The following GOLM1 variants were observed in gnomAD, a reference collection of about 807,000 sequenced individuals.
GOLM1 encodes the protein golgi membrane protein 1, also known as epididymis luminal protein 46.
GOLM1 carries 31 observed loss-of-function variants against 50.5 expected under a neutral mutation model. The ratio of observed to expected loss-of-function variants is 0.61; its 90% CI spans 0.46 to 0.83. The LOEUF (loss-of-function observed/expected upper bound fraction) is 0.83. GOLM1 is among the 40% of genes least tolerant of loss of function. The pLI, the probability that GOLM1 is intolerant of heterozygous loss-of-function variation, is 0.00. For synonymous variants in GOLM1, 178 were observed against 192.8 expected, an observed-to-expected ratio of 0.92 and a Z score of 0.64; for missense variants, 491 against 501.3, an observed-to-expected ratio of 0.98 and a Z score of 0.20.
intron 6 of GOLM1, 95 bp downstream of exon 6, chr9:86,040,644 A>G (rs1833311944): frequency 8.4e-7 from 1 of 1,196,558 alleles, no homozygotes; most frequent in Non-Finnish European, 1.2e-6. Flanking sequence ...AAAGGAGGGC[A>G]GAATCCAGAG....
At chr9:86,028,714 C>T (rs528883970) in intron 9 of GOLM1, among the ~76,000 whole-genome samples, 1 of 152,340 alleles carries the variant, frequency 6.6e-6, no homozygotes, top group South Asian at 2.1e-4. Flanking sequence ...CTAGATGCTG[C>T]CGCGGGGTTG....
chr9:86,042,241 A>C (rs2118680139), intron 5 of GOLM1, among the ~76,000 whole-genome samples: 1 of 152,356 alleles, frequency 6.6e-6, no homozygotes, highest in South Asian at 2.1e-4. Flanking sequence ...GAAGTAATTA[A>C]GAGAATTACC....
At chr9:86,090,382 C>G (rs1835139200) in intron 1 of GOLM1, among the ~76,000 whole-genome samples, 1 of 152,164 alleles carries the variant, frequency 6.6e-6, no homozygotes, top group Admixed American at 6.5e-5. Context: ...TCCCAGGGAG[C>G]TGGGAGTTTT....
chr9:86,049,885 C>G (rs1229688847), intron 4 of GOLM1, among the ~76,000 whole-genome samples: 18 of 152,148 alleles, frequency 1.2e-4, no homozygotes, highest in Non-Finnish European at 1.5e-5. Context: ...CTGCCCTGGC[C>G]AGAACTTCCA....
rs1832782148 is a variant in GOLM1 at position 86,026,336 on chromosome 9, G to A, written c.*1481C>T. 1 of 985,062 alleles carries A rather than the reference G, an allele frequency of 1.0e-6. No individual in the cohort carries two copies. The highest frequency in any genetic ancestry group is 1.2e-6 in the Non-Finnish European group (1 of 829,658). 61.0% of individuals were successfully genotyped at this position (985,062 alleles called of 1,614,324 possible). A position where few individuals can be genotyped will look rare whatever the true frequency, so the allele number is the denominator to read the frequency against. On this transcript the variant is annotated 3_prime_UTR_variant, in exon 10 of 10. Transcript: ENST00000388712. ...ATTTTATCTAAGTTGCCTTTTCTGG[G>A]TGGGAAAGTTTAACCTTAGTGACTA...
Position 86,098,999 on chromosome 9 carries a change from G to A in GOLM1, c.-22+412C>T, listed in dbSNP as rs907683598. ...GCGGCTCGGCCAGCCTCCCGCGCCT[G>A]GTGCAAATCACGCTGCAGAACTGGA... On this transcript the variant is annotated intron_variant, in intron 1 of 9. Transcript: ENST00000388712. Among the ~76,000 whole-genome samples, 4 of 152,226 alleles carry A rather than the reference G, an allele frequency of 2.6e-5. No homozygotes were observed. The South Asian group carries it at 6.2e-4, about 24-fold the overall frequency.
At chr9:86,035,298 A>G in intron 8 of GOLM1, 70 bp downstream of exon 8, 1 of 1,569,332 alleles carries the variant, frequency 6.4e-7, no homozygotes. Flanking sequence ...TGGTGCTGGG[A>G]AGGACATGGA....
intron 5 of GOLM1, among the ~76,000 whole-genome samples, chr9:86,044,924 C>G (rs769873453): frequency 2.0e-5 from 3 of 151,168 alleles, no homozygotes; most frequent in Non-Finnish European, 2.9e-5. Context: ...TGCACTCTAG[C>G]CTGGGAAACG....
chr9:86,086,154 G>T (rs1834954704), intron 1 of GOLM1, among the ~76,000 whole-genome samples: 1 of 152,100 alleles, frequency 6.6e-6, no homozygotes, highest in African/African-American at 2.4e-5. Context: ...ACTTTTTAAT[G>T]ATCACCATTC....
intron 3 of GOLM1, among the ~76,000 whole-genome samples, chr9:86,068,779 T>G (rs1834374159): frequency 6.6e-6 from 1 of 152,200 alleles, no homozygotes; most frequent in South Asian, 2.1e-4. Flanking sequence ...GTGTCTAAAT[T>G]CACCAGAACC....
rs746972861 is a variant in GOLM1 at position 86,035,600 on chromosome 9, C to T, written c.783G>A (p.Val261=). 25 of 1,602,906 alleles carry T rather than the reference C, an allele frequency of 1.6e-5. No homozygotes were observed. The highest frequency in any genetic ancestry group is 6.8e-6 in the Non-Finnish European group (8 of 1,178,742). ...GCCTGTCCCTCTGAGGCTCCTCATT[C>T]ACCACCTGGATCTCATTGGTTTCCT... is the stretch of plus-strand genomic sequence containing the variant. ...EKEETNEIQV[V]NEEPQRDRLP... Residue 261 remains valine (V), a synonymous_variant, in exon 8 of 10, where the codon GTG becomes GTA. Coordinates refer to ENST00000388712, the MANE Select transcript of GOLM1 (RefSeq NM_016548.4).
At chr9:86,082,025 CTTTT>C (rs35208119) in intron 1 of GOLM1, among the ~76,000 whole-genome samples, 19 of 84,512 alleles carry the variant, frequency 2.2e-4, no homozygotes, top group Non-Finnish European at 3.5e-4. Flanking sequence ...ACCTGGGACA[CTTTT>C]TTTTTTTTTT....
intron 3 of GOLM1, among the ~76,000 whole-genome samples, chr9:86,054,389 T>G (rs1833922184): frequency 6.6e-6 from 1 of 151,720 alleles, no homozygotes; most frequent in South Asian, 2.1e-4. Context: ...TGCCTCAGCC[T>G]CCCAAGTAGC....
At chr9:86,031,681 C>T (rs1233898652) in intron 9 of GOLM1, among the ~76,000 whole-genome samples, 1 of 151,670 alleles carries the variant, frequency 6.6e-6, no homozygotes, top group East Asian at 1.9e-4. Context: ...AGGCTGGTCT[C>T]AAACTCCTGA....
At chr9:86,033,590 G>A (rs10512171) in intron 8 of GOLM1, among the ~76,000 whole-genome samples, 195 bp from the exon 9 acceptor site, 3,550 of 152,218 alleles carry the variant, frequency 0.023, 77 homozygotes, top group Non-Finnish European at 0.034. Flanking sequence ...ACTTGGACTC[G>A]GAATCTACAG....
Position 86,027,702 on chromosome 9 carries a change from T to A in GOLM1, c.*115A>T, listed in dbSNP as rs775989523. The A allele has an allele frequency of 6.9e-7, 1 of 1,439,134 alleles. No homozygotes were observed. Among genetic ancestry groups the A allele is most frequent in the African/African-American group, 1.5e-5 (1 of 68,674 alleles). 89.1% of individuals were successfully genotyped at this position (1,439,134 alleles called of 1,614,324 possible). A position where few individuals can be genotyped will look rare whatever the true frequency, so the allele number is the denominator to read the frequency against. On this transcript the variant is annotated 3_prime_UTR_variant, in exon 10 of 10. Coordinates refer to ENST00000388712, the MANE Select transcript of GOLM1 (RefSeq NM_016548.4). ...GCATACTAAAATTTCACAATAATCA[T>A]CTTCAGATGTACATTTTATTTAGTA... is the stretch of plus-strand genomic sequence containing the variant.
Position 86,033,312 on chromosome 9 carries a change from CTGCT to C in GOLM1, c.1095_1098del (p.Ala366ProfsTer9). ...ATGTTTCTGTCATTCCCTGCCAGGG[CTGCT>C]TGCTTGTCTGTCTCAGATTCTGCTT... On this transcript the variant is annotated frameshift_variant, in exon 9 of 10. Transcript: ENST00000388712. LOFTEE classifies it high-confidence loss of function. 3 of 1,610,962 alleles carry C rather than the reference CTGCT, an allele frequency of 1.9e-6. No homozygotes were observed. Among genetic ancestry groups the C allele is most frequent in the Non-Finnish European group, 2.5e-6 (3 of 1,177,050 alleles).
chr9:86,069,061 A>C (rs995697518), intron 3 of GOLM1, among the ~76,000 whole-genome samples: 3 of 152,094 alleles, frequency 2.0e-5, no homozygotes, highest in African/African-American at 4.8e-5. Context: ...TACAATTTTC[A>C]TGGCATACCT....
chr9:86,052,046 C>T (rs1018331955), intron 4 of GOLM1, among the ~76,000 whole-genome samples: 2 of 152,026 alleles, frequency 1.3e-5, no homozygotes, highest in African/African-American at 2.4e-5. Context: ...AAGGAGCCCC[C>T]GACAAAGGAC....
Sources: gnomAD v4.1 joint callset for allele counts (sites outside exome capture counted in the v4.1 genomes callset) on GRCh38, gnomAD v4.1.1 for gene constraint, MANE v1.5 for transcripts, NCBI Gene and HGNC (gene_info 2026-07-23, HGNC 2026-07-21) for gene names.